The following TMC1 variants were observed in gnomAD, a reference collection of about 807,000 sequenced individuals.
TMC1 encodes the protein transmembrane channel-like protein 1.
A neutral mutation model predicts 105.8 loss-of-function variants in TMC1; 84 were observed. That is an observed-to-expected ratio of 0.79 (90% CI 0.67 to 0.95). The LOEUF (loss-of-function observed/expected upper bound fraction) is 0.95. TMC1 is among the 40% of genes least tolerant of loss of function. The pLI is 0.00. For synonymous variants in TMC1, 315 were observed against 311.5 expected (o/e 1.01, Z -0.12); for missense variants, 817 against 914.1 (o/e 0.89, Z 1.37).
At chr9:72,756,177 A>G (rs747969914) in intron 12 of TMC1, among the ~76,000 whole-genome samples, 12 of 152,184 alleles carry the variant, frequency 7.9e-5, no homozygotes, top group Admixed American at 2.0e-4. Context: ...TCAATTCAGC[A>G]TTTTTTAAAC....
At chr9:72,725,329 A>G (rs555406759) in intron 8 of TMC1, among the ~76,000 whole-genome samples, 4,062 of 74,754 alleles carry the variant, frequency 0.054, 108 homozygotes, top group African/African-American at 0.14. Flanking sequence ...GTGTATGTAT[A>G]TATATATATA....
intron 8 of TMC1, among the ~76,000 whole-genome samples, chr9:72,709,978 G>A (rs1055000949): frequency 1.3e-5 from 2 of 151,958 alleles, no homozygotes; most frequent in Non-Finnish European, 2.9e-5. Context: ...CAGACTTTTT[G>A]GTGTAGGCAT....
chr9:72,695,295 A>G (rs939038141), intron 7 of TMC1, among the ~76,000 whole-genome samples: 16 of 152,196 alleles, frequency 1.1e-4, no homozygotes, highest in Non-Finnish European at 1.9e-4. Flanking sequence ...ACAACTCAAT[A>G]TCTTTTAGTT....
At chr9:72,672,057 T>C (rs1340872434) in intron 5 of TMC1, among the ~76,000 whole-genome samples, 1 of 152,238 alleles carries the variant, frequency 6.6e-6, no homozygotes, top group Non-Finnish European at 1.5e-5. Context: ...ATTTATTTGC[T>C]TATCTTTATC....
Position 72,528,767 on chromosome 9 carries a change from A to G in TMC1, c.-428+6854A>G, listed in dbSNP as rs1010209798. On this transcript the variant is annotated intron_variant, in intron 1 of 23. Transcript: ENST00000297784. ...TCCCACTATTTTCAGGGGGCCCAAT[A>G]TAAATTTCCTGAGTTTTTGAGGTGG... Among the ~76,000 whole-genome samples, 5 of 152,274 alleles carry G rather than the reference A, an allele frequency of 3.3e-5. No individual in the cohort carries two copies. The East Asian group carries it at 5.8e-4, about 18-fold the overall frequency.
chr9:72,641,810 C>CTTTTTTT (rs896125209), intron 4 of TMC1, among the ~76,000 whole-genome samples: 11 of 86,998 alleles, frequency 1.3e-4, no homozygotes, highest in South Asian at 3.9e-4. Context: ...AGTCCCAAAT[C>CTTTTTTT]TTTTTTTTTT....
At chr9:72,651,080 A>T (rs992191613) in intron 5 of TMC1, 12 of 147,160 alleles carry the variant, frequency 8.2e-5, no homozygotes, top group African/African-American at 2.0e-4. Context: ...TATCTATATA[A>T]AAATATATAG....
chr9:72,622,568 A>T (rs924229967), intron 3 of TMC1, among the ~76,000 whole-genome samples: 1 of 152,174 alleles, frequency 6.6e-6, no homozygotes, highest in Non-Finnish European at 1.5e-5. Flanking sequence ...AATTTTTGGA[A>T]CATTAAATTT....
chr9:72,621,337 C>T (rs1289591505), intron 3 of TMC1, among the ~76,000 whole-genome samples: 1 of 152,108 alleles, frequency 6.6e-6, no homozygotes, highest in Non-Finnish European at 1.5e-5. Flanking sequence ...CCCCTGTGTG[C>T]CTTACACGTA....
At chr9:72,625,548 C>T (rs988672736) in intron 3 of TMC1, among the ~76,000 whole-genome samples, 2 of 151,820 alleles carry the variant, frequency 1.3e-5, no homozygotes, top group East Asian at 3.9e-4. Context: ...ATTAGCCGGG[C>T]GTGGTGGCGG....
Position 72,561,967 on chromosome 9 carries a change from C to G in TMC1, c.-427-15935C>G, listed in dbSNP as rs561641604. 4.6e-5 allele frequency among the ~76,000 whole-genome samples: 7 copies of G among 151,730 alleles called. No homozygotes were observed. The East Asian group carries it at 1.2e-3, about 25-fold the overall frequency. On this transcript the variant is annotated intron_variant, in intron 1 of 23. Transcript: ENST00000297784. Reference sequence around the variant, plus strand: ...AAGATACAGTCAGCTATGATCCTGCCACTGCACTCTAGCCTGGGCAACAGA... The same window carrying G: ...AAGATACAGTCAGCTATGATCCTGCGACTGCACTCTAGCCTGGGCAACAGA...
intron 3 of TMC1, among the ~76,000 whole-genome samples, chr9:72,619,622 T>A (rs937583497): frequency 3.3e-5 from 5 of 151,496 alleles, no homozygotes; most frequent in South Asian, 2.1e-4. Flanking sequence ...AATTTTATAT[T>A]TTTTTAATAC....
At chr9:72,617,908 GGTGTGTGTGTGTGTGTGT>G (rs58657161) in intron 3 of TMC1, among the ~76,000 whole-genome samples, 16 of 144,410 alleles carry the variant, frequency 1.1e-4, no homozygotes, top group Admixed American at 2.1e-4. Context: ...GTCTATGTGT[GGTGTGTGTGTGTGTGTGT>G]GTGTGTGTGT....
intron 5 of TMC1, among the ~76,000 whole-genome samples, chr9:72,662,671 C>T (rs192766787): frequency 6.6e-4 from 100 of 152,156 alleles, no homozygotes; most frequent in Admixed American, 1.8e-3. Context: ...CAAGTGTGCT[C>T]ACTAATTAAT....
intron 5 of TMC1, among the ~76,000 whole-genome samples, chr9:72,672,746 G>C (rs1826142077): frequency 6.6e-6 from 1 of 151,400 alleles, no homozygotes; most frequent in African/African-American, 2.4e-5. Context: ...TATTTATGGG[G>C]CCAGGCTTGG....
intron 7 of TMC1, among the ~76,000 whole-genome samples, chr9:72,699,266 C>T (rs1282987743): frequency 6.6e-6 from 1 of 152,152 alleles, no homozygotes; most frequent in African/African-American, 2.4e-5. Flanking sequence ...AAAAGAAAAG[C>T]TACATCTCAT....
intron 13 of TMC1, among the ~76,000 whole-genome samples, chr9:72,781,127 CA>C (rs1828088222): frequency 6.6e-6 from 1 of 152,136 alleles, no homozygotes; most frequent in African/African-American, 2.4e-5. Context: ...ATTCTTGGAT[CA>C]CAGTGCAATA....
In TMC1 at chr9:72,653,210, C is replaced by G. The variant is rs117404244; in HGVS notation, c.16+4546C>G. ...TGTGACAGAGTCCCTTCTCTCAAAG[C>G]GTTTATAGATTCATGTGTTTGGGGA... On this transcript the variant is annotated intron_variant, in intron 5 of 23. Coordinates refer to ENST00000297784, the MANE Select transcript of TMC1 (RefSeq NM_138691.3). Among the ~76,000 whole-genome samples the G allele has an allele frequency of 5.8e-3, 884 of 152,188 alleles. 5 individuals are homozygous for G. Among genetic ancestry groups the G allele is most frequent in the Non-Finnish European group, 0.01 (699 of 68,006 alleles).
intron 2 of TMC1, among the ~76,000 whole-genome samples, chr9:72,605,155 C>T (rs960677753): frequency 2.6e-5 from 4 of 152,064 alleles, no homozygotes; most frequent in African/African-American, 2.4e-5. Flanking sequence ...ACATGGATTC[C>T]GAAAGACAAA....
Sources: allele counts gnomAD v4.1 joint callset (sites outside exome capture counted in the v4.1 genomes callset), GRCh38; gene constraint gnomAD v4.1.1; transcripts MANE v1.5; gene names NCBI Gene and HGNC (gene_info 2026-07-23, HGNC 2026-07-21).